Variants in XG observed in about 807,000 individuals in gnomAD.
The protein encoded by XG is Xg glycoprotein (Xg blood group), also known as glycoprotein Xg.
In XG, 24 loss-of-function variants were observed where a neutral mutation model predicts 25.7. That is an observed-to-expected ratio of 0.93 (90% CI 0.68 to 1.31). XG has a LOEUF of 1.31. Ranked by LOEUF, XG falls within the 40% of genes most tolerant of loss-of-function variation. The probability of loss-of-function intolerance (pLI) is 0.00; values close to 1 mark genes in which losing one functional copy is unlikely to be tolerated. For synonymous variants in XG, 77 were observed against 69.2 expected (o/e 1.11, Z -0.56); for missense variants, 181 against 187.6 (o/e 0.96, Z 0.21).
intron 2 of XG, among the ~76,000 whole-genome samples, chrX:2,771,413 G>A (rs1305996037): frequency 6.6e-6 from 1 of 152,120 alleles, no homozygotes; most frequent in Non-Finnish European, 1.5e-5. Flanking sequence ...CTGAGGACCT[G>A]GAATCTTCCC....
Position 2,814,454 on chromosome X carries a change from T to A in XG, c.*74T>A, listed in dbSNP as rs2087086773. Reference sequence around the variant, plus strand: ...ACCGTGTTTATCACTGTTGTGGAGATTTCCTTTTATTCTTGACACAATTTG... The same window carrying A: ...ACCGTGTTTATCACTGTTGTGGAGAATTCCTTTTATTCTTGACACAATTTG... On this transcript the variant is annotated 3_prime_UTR_variant, in exon 11 of 11. Coordinates refer to ENST00000644266, the MANE Select transcript of XG (RefSeq NM_001141919.2). 2.7e-6 allele frequency: 3 copies of A among 1,128,362 alleles called. No individual in the cohort carries two copies. The highest frequency in any genetic ancestry group is 3.6e-6 in the Non-Finnish European group (3 of 837,931). The allele number at this position is 1,128,362 out of a possible 1,213,427, so 93.0% of individuals were successfully genotyped here.
chrX:2,780,752 T>C (rs1458484123), intron 3 of XG, among the ~76,000 whole-genome samples: 1 of 150,954 alleles, frequency 6.6e-6, no homozygotes, highest in Non-Finnish European at 1.5e-5. Context: ...TGGTTCCGTC[T>C]GGAAAGGTGG....
intron 7 of XG, among the ~76,000 whole-genome samples, chrX:2,801,534 G>A (rs1450117444): frequency 5.4e-5 from 6 of 110,130 alleles, no homozygotes; most frequent in African/African-American, 2.0e-4. Flanking sequence ...TTATGTAAAT[G>A]GGCTTTCCAG....
chrX:2,786,825 A>G (rs1318907577), intron 4 of XG, among the ~76,000 whole-genome samples: 25 of 111,308 alleles, frequency 2.2e-4, no homozygotes, highest in African/African-American at 8.2e-4. Flanking sequence ...AGGAAAGATT[A>G]TATGAAGACA....
chrX:2,776,408 CA>C (rs1262648404), intron 3 of XG, among the ~76,000 whole-genome samples: 2 of 152,142 alleles, frequency 1.3e-5, no homozygotes, highest in African/African-American at 4.8e-5. Context: ...CGTTACTAAT[CA>C]GACGAATTCC....
chrX:2,754,333 C>G (rs2050390532), intron 1 of XG, among the ~76,000 whole-genome samples: 1 of 152,162 alleles, frequency 6.6e-6, no homozygotes, highest in Non-Finnish European at 1.5e-5. Context: ...CATCTCAGCT[C>G]AAACGATCCT....
chrX:2,770,618 C>T (rs2050797373), intron 2 of XG, 27 bp downstream of exon 2: 1 of 1,613,696 alleles, frequency 6.2e-7, no homozygotes, highest in Non-Finnish European at 8.5e-7. Flanking sequence ...CAAGGGGAGC[C>T]TTCCCTTTTC....
At chrX:2,807,812 G>T (rs1348912665) in intron 8 of XG, among the ~76,000 whole-genome samples, 3 of 112,192 alleles carry the variant, frequency 2.7e-5, no homozygotes, top group African/African-American at 9.7e-5. Context: ...ACACACATTT[G>T]TGCATGTCAG....
chrX:2,794,713 C>T, intron 6 of XG, 110 bp downstream of exon 6: 13 of 882,367 alleles, frequency 1.5e-5, no homozygotes, highest in East Asian at 7.0e-5. Context: ...GAGTTGGTGA[C>T]GAGCAGACGA....
chrX:2,779,248 A>C (rs2051067093), intron 3 of XG, among the ~76,000 whole-genome samples: 1 of 151,676 alleles, frequency 6.6e-6, no homozygotes, highest in Admixed American at 6.6e-5. Context: ...AGGCATAAGA[A>C]TCACTTGAGC....
At chrX:2,784,589 A>G (rs1389865024) in intron 4 of XG, among the ~76,000 whole-genome samples, 2 of 110,065 alleles carry the variant, frequency 1.8e-5, no homozygotes, top group African/African-American at 6.6e-5. Context: ...AAAAAAAAGA[A>G]TAAGAAAAAA....
intron 2 of XG, among the ~76,000 whole-genome samples, chrX:2,772,085 A>G (rs1016874258): frequency 6.6e-6 from 1 of 152,202 alleles, no homozygotes; most frequent in African/African-American, 2.4e-5. Context: ...TGGATAAAGA[A>G]TGAGGCATAT....
intron 1 of XG, chrX:2,752,915 C>G: frequency 1.0e-6 from 1 of 985,332 alleles, no homozygotes; most frequent in Non-Finnish European, 1.2e-6. Flanking sequence ...GTCCCAGATC[C>G]AAGATTAGAT....
intron 2 of XG, among the ~76,000 whole-genome samples, chrX:2,773,581 G>A (rs2050891191): frequency 1.3e-5 from 1 of 76,744 alleles, no homozygotes; most frequent in Admixed American, 1.3e-4. Flanking sequence ...GAAGGAAGGA[G>A]AGAAGGAAGG....
intron 1 of XG, among the ~76,000 whole-genome samples, chrX:2,769,597 G>A (rs2050770268): frequency 6.6e-6 from 1 of 152,172 alleles, no homozygotes; most frequent in Admixed American, 6.5e-5. Context: ...TCTCTACAAG[G>A]CTAGTACTGG....
chrX:2,764,479 T>C (rs2050631997), intron 1 of XG, among the ~76,000 whole-genome samples: 1 of 152,152 alleles, frequency 6.6e-6, no homozygotes, highest in South Asian at 2.1e-4. Context: ...GCTTTCTATA[T>C]ATACACATAG....
In XG at chrX:2,765,392, AGGAAG is replaced by A. The variant is rs1385580203; in HGVS notation, c.62-5156_62-5152del. ...AGGGAGGGAGGGAAGGAAGGAAGGA[AGGAAG>A]GAAGGAAGGAAGGAAGGAAACAATT... On this transcript the variant is annotated intron_variant, in intron 1 of 10. Transcript: ENST00000644266. Among the ~76,000 whole-genome samples the A allele has an allele frequency of 3.3e-5, 5 of 151,100 alleles. No homozygotes were observed. The East Asian group carries it at 7.8e-4, about 24-fold the overall frequency.
intron 7 of XG, among the ~76,000 whole-genome samples, chrX:2,798,147 C>G: frequency 8.9e-6 from 1 of 111,910 alleles, no homozygotes; most frequent in East Asian, 2.8e-4. Flanking sequence ...AAGCCATAAA[C>G]AGGCTCTTGG....
chrX:2,801,762 G>A (rs183857438), intron 7 of XG, among the ~76,000 whole-genome samples: 2,473 of 110,542 alleles, frequency 0.022, 70 homozygotes, highest in African/African-American at 0.077. Context: ...AGGCTGGAGT[G>A]CAGTGGCGTC....
Sources: allele counts gnomAD v4.1 joint callset (sites outside exome capture counted in the v4.1 genomes callset), GRCh38; gene constraint gnomAD v4.1.1; transcripts MANE v1.5; gene names NCBI Gene and HGNC (gene_info 2026-07-23, HGNC 2026-07-21).